ARIH2: variants seen among roughly 807,000 people sequenced by gnomAD.
ARIH2 encodes the protein ariadne RBR E3 ubiquitin protein ligase 2.
Under a neutral mutation model 79.8 loss-of-function variants are expected in ARIH2, and 12 were observed. The observed-to-expected ratio is 0.15, with a 90% confidence interval of 0.10 to 0.24. The LOEUF (loss-of-function observed/expected upper bound fraction) is 0.24. Ranked by LOEUF, ARIH2 falls within the 10% of genes least tolerant of loss-of-function variation. The pLI is 1.00. For missense variants in ARIH2, 301 were observed against 618.3 expected (o/e 0.49, Z 5.44); for synonymous variants, 224 against 213.9 (o/e 1.05, Z -0.41).
In ARIH2 at chr3:48,973,724, G is replaced by T. The variant is rs761197257; in HGVS notation, c.796G>T (p.Ala266Ser). 1.2e-6 allele frequency: 2 copies of T among 1,613,614 alleles called. No individual in the cohort carries two copies. The highest frequency in any genetic ancestry group is 4.5e-5 in the East Asian group (2 of 44,892). ...FCFKCRQMYH[A>S]PTDCATIRKW... Reference sequence around the variant, plus strand: ...TTTCAAGTGTCGTCAGATGTATCACGCACCCACAGACTGTGCCACAATCCG... The same window carrying T: ...TTTCAAGTGTCGTCAGATGTATCACTCACCCACAGACTGTGCCACAATCCG... Residue 266 changes from alanine (A) to serine (S), a missense_variant, in exon 9 of 16, where the codon GCA becomes TCA. Ala to Ser is a moderately conservative substitution (Grantham distance 99). This residue lies in a region of ARIH2 where 223 missense variants were observed against 349.4 expected (regional missense o/e 0.64). Coordinates refer to ENST00000356401, the MANE Select transcript of ARIH2 (RefSeq NM_006321.4).
At chr3:48,956,284 G>A (rs957408024) in intron 3 of ARIH2, among the ~76,000 whole-genome samples, 20 of 149,634 alleles carry the variant, frequency 1.3e-4, no homozygotes, top group African/African-American at 4.4e-4. Flanking sequence ...GATTACAGGC[G>A]CCCGCCACAA....
intron 3 of ARIH2, chr3:48,934,813 C>A (rs2086891058): frequency 1.0e-6 from 1 of 985,224 alleles, no homozygotes; most frequent in Non-Finnish European, 1.2e-6. Context: ...GTACCTGATA[C>A]CATACAAAAC....
chr3:48,941,137 A>C (rs995146908), intron 3 of ARIH2, among the ~76,000 whole-genome samples: 1 of 149,128 alleles, frequency 6.7e-6, no homozygotes. Flanking sequence ...GTGCCACTGC[A>C]CTCCAGCCTG....
chr3:48,970,826 G>C, intron 8 of ARIH2, 122 bp downstream of exon 8: 1 of 682,290 alleles, frequency 1.5e-6, no homozygotes, highest in South Asian at 1.7e-5. Flanking sequence ...CAACAGAACA[G>C]CTGTGCTCCA....
intron 1 of ARIH2, 137 bp downstream of exon 1, chr3:48,919,135 A>T (rs2084351977): frequency 6.1e-6 from 8 of 1,303,200 alleles, no homozygotes; most frequent in Admixed American, 3.5e-5. Flanking sequence ...CGTCGCCGGC[A>T]CGTTGTCCGA....
intron 3 of ARIH2, among the ~76,000 whole-genome samples, chr3:48,946,736 T>A (rs1176905153): frequency 6.6e-6 from 1 of 152,018 alleles, no homozygotes; most frequent in Non-Finnish European, 1.5e-5. Flanking sequence ...CCCAGTAGCG[T>A]CTAACCCATT....
At chr3:48,935,203 C>T (rs2086943591) in intron 3 of ARIH2, among the ~76,000 whole-genome samples, 1 of 152,168 alleles carries the variant, frequency 6.6e-6, no homozygotes, top group South Asian at 2.1e-4. Context: ...CTGTTATGTT[C>T]CTGTGCCAGG....
At chr3:48,930,691 G>A (rs2086249408) in intron 3 of ARIH2, among the ~76,000 whole-genome samples, 1 of 152,202 alleles carries the variant, frequency 6.6e-6, no homozygotes, top group Non-Finnish European at 1.5e-5. Context: ...ACCCAATGGT[G>A]TTCCGGCTAC....
chr3:48,927,779 A>T lies in ARIH2; in HGVS notation c.221A>T (p.Asn74Ile). Reference sequence around the variant, plus strand: ...TACAAGGAATCTGAGGGTGCCCTCAATGAGCACATGACCAGCTTAGCTTCT... The same window carrying T: ...TACAAGGAATCTGAGGGTGCCCTCATTGAGCACATGACCAGCTTAGCTTCT... ...LTYKESEGAL[N>I]EHMTSLASVL... is the part of the protein sequence containing the mutation. Residue 74 changes from asparagine (N) to isoleucine (I), a missense_variant, in exon 3 of 16, where the codon AAT (asparagine) becomes ATT (isoleucine). Physicochemically the swap from Asn to Ile is moderately radical, Grantham distance 149. Coordinates refer to ENST00000356401, the MANE Select transcript of ARIH2 (RefSeq NM_006321.4). 1.2e-6 allele frequency: 2 copies of T among 1,614,208 alleles called. No homozygotes were observed. The highest frequency in any genetic ancestry group is 1.6e-4 in the Middle Eastern group (1 of 6,062).
intron 3 of ARIH2, among the ~76,000 whole-genome samples, chr3:48,958,663 C>T (rs973238457): frequency 3.3e-5 from 5 of 151,532 alleles, no homozygotes; most frequent in Middle Eastern, 3.2e-3. Flanking sequence ...GAGTCGAGAT[C>T]GTACCACTGC....
chr3:48,921,761 T>G (rs916840692), intron 1 of ARIH2, among the ~76,000 whole-genome samples: 1 of 151,806 alleles, frequency 6.6e-6, no homozygotes, highest in Admixed American at 6.6e-5. Flanking sequence ...TTTTTTTTTT[T>G]CTTTTTTGAA....
At chr3:48,943,701 G>A (rs1377666690) in intron 3 of ARIH2, among the ~76,000 whole-genome samples, 4 of 152,128 alleles carry the variant, frequency 2.6e-5, no homozygotes, top group African/African-American at 4.8e-5. Context: ...GAAAGCAGTC[G>A]ATGAGGTAGT....
chr3:48,927,716 C>T lies in ARIH2; in HGVS notation c.158C>T (p.Ala53Val). Reference sequence around the variant, plus strand: ...GATGTGGAGCAGCAGGGGGCTGATGCCTTTGATCCCGAGGAGTACCAGTTC... The same window carrying T: ...GATGTGGAGCAGCAGGGGGCTGATGTCTTTGATCCCGAGGAGTACCAGTTC... ...ASDVEQQGADAFDPEEYQFTC... is the reference protein window; with the variant it reads ...ASDVEQQGADVFDPEEYQFTC... Residue 53 changes from alanine to valine, a missense_variant, in exon 3 of 16, where the codon GCC (alanine) becomes GTC (valine). Ala to Val is a moderately conservative substitution (Grantham distance 64). Transcript: ENST00000356401. The T allele has an allele frequency of 6.2e-7, 1 of 1,614,184 alleles. No homozygotes were observed. The highest frequency in any genetic ancestry group is 1.1e-5 in the South Asian group (1 of 91,088).
chr3:48,928,107 C>T (rs1382520580), intron 3 of ARIH2, among the ~76,000 whole-genome samples: 3 of 152,178 alleles, frequency 2.0e-5, no homozygotes, highest in South Asian at 2.1e-4. Context: ...CAACTTTGCA[C>T]GTTTCAGGAA....
At chr3:48,959,361 G>A (rs1313501959) in intron 3 of ARIH2, among the ~76,000 whole-genome samples, 1 of 151,004 alleles carries the variant, frequency 6.6e-6, no homozygotes, top group Non-Finnish European at 1.5e-5. Context: ...AAAGCTGTTT[G>A]TATCAAAGAC....
intron 2 of ARIH2, among the ~76,000 whole-genome samples, chr3:48,924,229 G>C (rs1303229191): frequency 1.3e-5 from 2 of 151,876 alleles, no homozygotes; most frequent in African/African-American, 4.8e-5. Flanking sequence ...TCCTGGTTTT[G>C]AATGATCCTC....
In ARIH2 at chr3:48,979,546, T is replaced by C. The variant is rs778333920; in HGVS notation, c.1026T>C (p.Arg342=). The change falls in exon 12 of 16, where the codon CGT becomes CGC. Residue 342 remains arginine, a synonymous_variant. Transcript: ENST00000356401. The stretch of plus-strand genomic sequence containing the variant: ...GCAGTGAATACTATGAGTGCAGTCG[T>C]TACAAGGAGAATCCTGACATCGTGA... ...THGSEYYECS[R]YKENPDIVNQ... 1.2e-6 allele frequency: 2 copies of C among 1,614,224 alleles called. No homozygotes were observed. Among genetic ancestry groups the C allele is most frequent in the South Asian group, 2.2e-5 (2 of 91,084 alleles).
At chr3:48,960,006 C>T (rs984845425) in intron 3 of ARIH2, among the ~76,000 whole-genome samples, 2 of 152,212 alleles carry the variant, frequency 1.3e-5, no homozygotes, top group African/African-American at 4.8e-5. Context: ...CTTACAGGTC[C>T]ATGGTAGCTC....
chr3:48,962,366 A>G (rs1281778194), intron 4 of ARIH2, among the ~76,000 whole-genome samples: 1 of 149,508 alleles, frequency 6.7e-6, no homozygotes, highest in African/African-American at 2.5e-5. Flanking sequence ...GCAGAGTGAG[A>G]CTCCATCTCA....
Sources: allele counts gnomAD v4.1 joint callset (sites outside exome capture counted in the v4.1 genomes callset), GRCh38; gene constraint gnomAD v4.1.1; regional missense constraint gnomAD v4.1.1; transcripts MANE v1.5; gene names NCBI Gene and HGNC (gene_info 2026-07-23, HGNC 2026-07-21).